KYAT3: variants seen among roughly 807,000 people sequenced by gnomAD.
KYAT3 encodes kynurenine--oxoglutarate transaminase 3.
KYAT3 carries 50 observed loss-of-function variants against 59.0 expected under a neutral mutation model. The observed-to-expected ratio is 0.85, with a 90% confidence interval of 0.68 to 1.07. The LOEUF is 1.07. Ranked by LOEUF, KYAT3 falls within the 50% of genes least tolerant of loss-of-function variation. The pLI is 0.00. For synonymous variants in KYAT3, 148 were observed against 177.0 expected (o/e 0.84, Z 1.30); for missense variants, 497 against 533.3 (o/e 0.93, Z 0.67).
chr1:88,942,908 A>G lies in KYAT3; in HGVS notation c.1302+97T>C. 9 of 951,068 alleles carry G rather than the reference A, an allele frequency of 9.5e-6. No individual in the cohort carries two copies. In the South Asian group the frequency reaches 1.2e-4, roughly 13 times the overall value. 58.9% of individuals were successfully genotyped at this position (951,068 alleles called of 1,614,324 possible). ...CCGTAAGCCAAAATTTAAAAACTGC[A>G]TATGAGCATATCATTTTTAGAAACA... On this transcript the variant is annotated intron_variant, in intron 13 of 13. Coordinates refer to ENST00000260508, the MANE Select transcript of KYAT3 (RefSeq NM_001008661.3).
At chr1:88,948,771 T>G (rs1157694215) in intron 11 of KYAT3, among the ~76,000 whole-genome samples, 1 of 152,220 alleles carries the variant, frequency 6.6e-6, no homozygotes, top group Non-Finnish European at 1.5e-5. Context: ...ACAATTTTAC[T>G]CAAATGAACA....
chr1:88,958,564 C>T (rs1676014485), intron 8 of KYAT3, among the ~76,000 whole-genome samples: 1 of 152,178 alleles, frequency 6.6e-6, no homozygotes, highest in South Asian at 2.1e-4. Flanking sequence ...AAGTTTTCTA[C>T]CACACAATTT....
chr1:88,928,932 C>T, the KYAT3 span, among the ~76,000 whole-genome samples: 4 of 152,140 alleles, frequency 2.6e-5, no homozygotes, highest in East Asian at 7.7e-4. Context: ...GCCCCACTCC[C>T]TTGTTAGGGA....
At chr1:88,992,254 A>C (rs1217125445) in intron 1 of KYAT3, among the ~76,000 whole-genome samples, 1 of 152,230 alleles carries the variant, frequency 6.6e-6, no homozygotes, top group Non-Finnish European at 1.5e-5. Context: ...CTGCGATTAC[A>C]GGGGTGAGCC....
intron 2 of KYAT3, among the ~76,000 whole-genome samples, chr1:88,976,372 T>G (rs1487011125): frequency 6.6e-6 from 1 of 150,962 alleles, no homozygotes; most frequent in African/African-American, 2.4e-5. Flanking sequence ...AAAAAAACAG[T>G]TCCTACTTGC....
intron 2 of KYAT3, among the ~76,000 whole-genome samples, chr1:88,974,467 CTCTTTT>C (rs1676685347): frequency 3.1e-5 from 4 of 129,294 alleles, no homozygotes; most frequent in Admixed American, 8.8e-5. Flanking sequence ...TGGTGTCTCT[CTCTTTT>C]TTTTTTTTTT....
chr1:88,987,230 A>G (rs1677514628), intron 2 of KYAT3, among the ~76,000 whole-genome samples: 1 of 152,218 alleles, frequency 6.6e-6, no homozygotes, highest in Non-Finnish European at 1.5e-5. Context: ...TGTGCACACA[A>G]ATGCCCTTTT....
the KYAT3 span, among the ~76,000 whole-genome samples, chr1:88,927,066 A>G: frequency 2.0e-5 from 3 of 152,206 alleles, no homozygotes; most frequent in African/African-American, 7.2e-5. Context: ...CGGTAAGCGT[A>G]ACTAATCCGA....
chr1:88,975,417 C>A (rs1241056676), intron 2 of KYAT3, among the ~76,000 whole-genome samples: 3 of 152,148 alleles, frequency 2.0e-5, no homozygotes, highest in Non-Finnish European at 4.4e-5. Flanking sequence ...TCCCAAAGTG[C>A]TGGGATTACA....
intron 4 of KYAT3, among the ~76,000 whole-genome samples, chr1:88,967,913 G>A (rs17130671): frequency 0.031 from 4,767 of 152,146 alleles, 221 homozygotes; most frequent in African/African-American, 0.11. Context: ...GCTGGGGAGT[G>A]AGTTATGTTG....
In KYAT3 at chr1:88,962,047, T is replaced by C. The variant is rs1176609246; in HGVS notation, c.540+12A>G. On this transcript the variant is annotated intron_variant, in intron 6 of 13. Transcript: ENST00000260508. ...TGAAACTTTGCCATATGAACCATAC[T>C]GGCAAACTTACAGATCTCAGGGGAA... The C allele has an allele frequency of 1.2e-6, 2 of 1,604,284 alleles. No homozygotes were observed. The highest frequency in any genetic ancestry group is 3.3e-4 in the Middle Eastern group (2 of 6,052).
downstream of KYAT3, chr1:88,935,745 A>G: frequency 2.8e-6 from 1 of 360,598 alleles, no homozygotes; most frequent in Non-Finnish European, 4.9e-6. Flanking sequence ...ACTGGTTAGG[A>G]GTTTTTACAC....
chr1:88,978,812 TA>T (rs1191641494), intron 2 of KYAT3, among the ~76,000 whole-genome samples: 2 of 116,808 alleles, frequency 1.7e-5, no homozygotes, highest in Non-Finnish European at 4.0e-5. Flanking sequence ...TGCCCGGCCT[TA>T]ATTTTTTTTT....
intron 11 of KYAT3, among the ~76,000 whole-genome samples, chr1:88,946,665 A>ATT (rs150664359): frequency 6.6e-6 from 1 of 152,008 alleles, no homozygotes; most frequent in Non-Finnish European, 1.5e-5. Context: ...AACTGTGCTA[A>ATT]TTTTTTTTAT....
intron 4 of KYAT3, 131 bp downstream of exon 4, chr1:88,968,539 T>C (rs1164634414): frequency 3.1e-6 from 2 of 644,716 alleles, no homozygotes; most frequent in African/African-American, 3.8e-5. Context: ...GTTTCTGTGG[T>C]TGCTAGGATG....
At chr1:88,983,643 C>A in intron 2 of KYAT3, 2 of 1,613,902 alleles carry the variant, frequency 1.2e-6, no homozygotes, top group Non-Finnish European at 1.7e-6. Context: ...GCATCCTTAG[C>A]GTCTGCTGGG....
intron 4 of KYAT3, among the ~76,000 whole-genome samples, chr1:88,965,611 C>A (rs1263649764): frequency 6.6e-6 from 1 of 152,164 alleles, no homozygotes; most frequent in Non-Finnish European, 1.5e-5. Flanking sequence ...TCTGAAGACT[C>A]CTGGATTAGC....
chr1:88,927,362 C>T, the KYAT3 span, among the ~76,000 whole-genome samples: 5 of 152,116 alleles, frequency 3.3e-5, no homozygotes, highest in Non-Finnish European at 5.9e-5. Flanking sequence ...AACCTGGCCT[C>T]CTAAGAGAAG....
At chr1:88,927,176 G>A in the KYAT3 span, among the ~76,000 whole-genome samples, 7,166 of 152,174 alleles carry the variant, frequency 0.047, 471 homozygotes, top group African/African-American at 0.15. Flanking sequence ...AATGACTAGG[G>A]GTGCTGGCAT....
Sources: allele counts gnomAD v4.1 joint callset (sites outside exome capture counted in the v4.1 genomes callset), GRCh38; gene constraint gnomAD v4.1.1; transcripts MANE v1.5; gene names NCBI Gene and HGNC (gene_info 2026-07-23, HGNC 2026-07-21).